TDP1: variants seen among roughly 807,000 people sequenced by gnomAD.
TDP1 encodes tyrosyl-DNA phosphodiesterase 1.
In TDP1, 64 loss-of-function variants were observed where a neutral mutation model predicts 81.5. The ratio of observed to expected loss-of-function variants is 0.79; its 90% CI spans 0.64 to 0.97. TDP1 has a LOEUF of 0.97. Ranked by LOEUF, TDP1 falls within the 50% of genes least tolerant of loss-of-function variation. The probability of loss-of-function intolerance (pLI) is 0.00; values close to 1 mark genes in which losing one functional copy is unlikely to be tolerated. For missense variants in TDP1, 723 were observed against 743.8 expected (o/e 0.97, Z 0.33); for synonymous variants, 256 against 264.3 (o/e 0.97, Z 0.30).
intron 2 of TDP1, 188 bp downstream of exon 2, chr14:89,956,988 T>C (rs901211096): frequency 6.6e-6 from 1 of 152,156 alleles, no homozygotes; most frequent in African/African-American, 2.4e-5. Flanking sequence ...CTTTAACAAG[T>C]CTTCTCCCCT....
At chr14:89,998,194 G>A (rs1896801850) in intron 14 of TDP1, among the ~76,000 whole-genome samples, 1 of 151,632 alleles carries the variant, frequency 6.6e-6, no homozygotes, top group South Asian at 2.1e-4. Flanking sequence ...AAAGATCACA[G>A]GTAGCCCCAT....
At chr14:89,983,113 G>C in intron 8 of TDP1, 1 of 455,982 alleles carries the variant, frequency 2.2e-6, no homozygotes, top group Non-Finnish European at 4.4e-6. Flanking sequence ...TTCTCATCCA[G>C]AACTCACCTG....
At chr14:90,009,383 C>T (rs368734099) in intron 14 of TDP1, among the ~76,000 whole-genome samples, 6 of 152,172 alleles carry the variant, frequency 3.9e-5, no homozygotes, top group Admixed American at 3.9e-4. Flanking sequence ...CAAAGTGTAG[C>T]AGAAAACAAG....
At chr14:89,971,051 G>A (rs1308165919) in intron 5 of TDP1, 124 bp from the exon 6 acceptor site, 2 of 764,002 alleles carry the variant, frequency 2.6e-6, no homozygotes, top group Admixed American at 4.0e-5. Flanking sequence ...GGCCAGTCTG[G>A]TCTCGAACTC....
chr14:90,024,843 C>T (rs1243004353), intron 15 of TDP1, among the ~76,000 whole-genome samples: 1 of 151,960 alleles, frequency 6.6e-6, no homozygotes, highest in Non-Finnish European at 1.5e-5. Context: ...TTTAGGTTTC[C>T]CTGTTCAGTA....
At position 89,967,766 on chromosome 14, in the gene TDP1, G is replaced by A. The variant is rs562413393; in HGVS notation, c.659+344G>A. Among the ~76,000 whole-genome samples the A allele has an allele frequency of 3.9e-5, 6 of 152,246 alleles. No homozygotes were observed. The East Asian group carries it at 5.8e-4, about 15-fold the overall frequency. On this transcript the variant is annotated intron_variant, in intron 5 of 16. Transcript: ENST00000335725. Reference sequence around the variant, plus strand: ...GTGAATGTGCCAACATGCCGCCAACGTGCCATGCTTTCCGTAGCACATCAA... The same window carrying A: ...GTGAATGTGCCAACATGCCGCCAACATGCCATGCTTTCCGTAGCACATCAA...
chr14:90,041,145 G>C (rs930275852), intron 16 of TDP1, among the ~76,000 whole-genome samples: 4 of 152,238 alleles, frequency 2.6e-5, no homozygotes, highest in Admixed American at 2.0e-4. Context: ...CAGAGCTGAT[G>C]TTACCCAACA....
At chr14:90,027,135 T>C (rs1359385855) in intron 15 of TDP1, among the ~76,000 whole-genome samples, 1 of 152,210 alleles carries the variant, frequency 6.6e-6, no homozygotes, top group Non-Finnish European at 1.5e-5. Context: ...TTTCCTGACT[T>C]TTTAATGATC....
At chr14:89,976,423 T>A (rs2140043123) in intron 7 of TDP1, among the ~76,000 whole-genome samples, 1 of 152,246 alleles carries the variant, frequency 6.6e-6, no homozygotes, top group Middle Eastern at 3.4e-3. Context: ...AAATTTGTTC[T>A]TGTTTGCTCA....
At position 90,043,343 on chromosome 14, in the gene TDP1, T is replaced by G. The variant is rs1888547865; in HGVS notation, c.*200T>G. ...CCTAATAAAGTATTAGTTTCTTAATTCACTTTTATATGTTTTGGAAAGAAA... is the reference window on the plus strand; with the variant it reads ...CCTAATAAAGTATTAGTTTCTTAATGCACTTTTATATGTTTTGGAAAGAAA... On this transcript the variant is annotated 3_prime_UTR_variant, in exon 17 of 17. Transcript: ENST00000335725. 3.0e-6 allele frequency: 2 copies of G among 655,768 alleles called. No individual in the cohort carries two copies. Among genetic ancestry groups the G allele is most frequent in the African/African-American group, 3.6e-5 (2 of 54,978 alleles). The allele number at this position is 655,768 out of a possible 1,614,324, so 40.6% of individuals were successfully genotyped here. A position where few individuals can be genotyped will look rare whatever the true frequency, so the allele number is the denominator to read the frequency against.
intron 15 of TDP1, among the ~76,000 whole-genome samples, chr14:90,025,791 T>C (rs1886579010): frequency 6.6e-6 from 1 of 152,218 alleles, no homozygotes; most frequent in Non-Finnish European, 1.5e-5. Flanking sequence ...CCTCTGTGAA[T>C]ATATCAGGGA....
chr14:89,998,376 A>G (rs1292064297), intron 14 of TDP1, among the ~76,000 whole-genome samples: 13 of 4,832 alleles, frequency 2.7e-3, no homozygotes, highest in African/African-American at 4.6e-3. Flanking sequence ...AGCACATTAT[A>G]TATATATATA....
In TDP1 at chr14:89,988,926, T is replaced by G. The variant is rs1895865964; in HGVS notation, c.1153T>G (p.Ser385Ala). Reference sequence around the variant, plus strand: ...CCAGCTTCTGAAAGACCATGCCTCATCCATGCCTAACGCAGAGTCCTGGCC... The same window carrying G: ...CCAGCTTCTGAAAGACCATGCCTCAGCCATGCCTAACGCAGAGTCCTGGCC... ...LKKLLKDHAS[S>A]MPNAESWPVV... Residue 385 changes from serine (S) to alanine (A), a missense_variant, in exon 11 of 17, where the codon TCC (serine) becomes GCC (alanine). Physicochemically the swap from Ser to Ala is moderately conservative, Grantham distance 99 (BLOSUM62 1). Coordinates refer to ENST00000335725, the MANE Select transcript of TDP1 (RefSeq NM_018319.4). 3.7e-6 allele frequency: 6 copies of G among 1,614,174 alleles called. No homozygotes were observed. The highest frequency in any genetic ancestry group is 5.1e-6 in the Non-Finnish European group (6 of 1,179,998).
At chr14:89,977,091 G>T (rs1596536565) in intron 7 of TDP1, among the ~76,000 whole-genome samples, 1 of 152,090 alleles carries the variant, frequency 6.6e-6, no homozygotes, top group Non-Finnish European at 1.5e-5. Context: ...CAAGGCGGAG[G>T]TTGTGGCGAG....
At position 90,029,203 on chromosome 14, in the gene TDP1, T is replaced by A. The variant is rs987884211; in HGVS notation, c.1645-3903T>A. ...TTCCAGCCCTGCCATTATTTTTTTTTTTTTTTTTTTTTGAGACAGAGTCTC... is the reference window on the plus strand; with the variant it reads ...TTCCAGCCCTGCCATTATTTTTTTTATTTTTTTTTTTTGAGACAGAGTCTC... On this transcript the variant is annotated intron_variant, in intron 15 of 16. Transcript: ENST00000335725. Among the ~76,000 whole-genome samples, 8 of 149,922 alleles carry A rather than the reference T, an allele frequency of 5.3e-5. No individual in the cohort carries two copies. The South Asian group carries it at 8.4e-4, about 16-fold the overall frequency.
At chr14:89,969,579 C>T (rs935688684) in intron 5 of TDP1, among the ~76,000 whole-genome samples, 7 of 152,096 alleles carry the variant, frequency 4.6e-5, no homozygotes, top group Admixed American at 2.0e-4. Context: ...GCTAGATGCA[C>T]GTGTGTTTCT....
At chr14:90,018,887 CAAA>C (rs1008331078) in intron 14 of TDP1, 4 of 855,014 alleles carry the variant, frequency 4.7e-6, no homozygotes, top group Non-Finnish European at 5.6e-6. Flanking sequence ...CACTACCTGG[CAAA>C]AAAACTGAAA....
intron 7 of TDP1, 150 bp from the exon 8 acceptor site, chr14:89,980,390 A>T (rs1894831917): frequency 7.1e-7 from 1 of 1,412,970 alleles, no homozygotes; most frequent in African/African-American, 1.4e-5. Context: ...CATCATGGTA[A>T]TGTATAGAAG....
At chr14:89,992,528 G>A (rs943126900) in intron 13 of TDP1, among the ~76,000 whole-genome samples, 1 of 152,188 alleles carries the variant, frequency 6.6e-6, no homozygotes, top group Non-Finnish European at 1.5e-5. Context: ...GTCTCAACAG[G>A]TGTTTGCTGT....
Sources: allele counts gnomAD v4.1 joint callset (sites outside exome capture counted in the v4.1 genomes callset), GRCh38; gene constraint gnomAD v4.1.1; transcripts MANE v1.5; gene names NCBI Gene and HGNC (gene_info 2026-07-23, HGNC 2026-07-21).